LRRC7: variants seen among roughly 807,000 people sequenced by gnomAD.
LRRC7 encodes the protein leucine-rich repeat-containing protein 7.
In LRRC7, 23 loss-of-function variants were observed where a neutral mutation model predicts 175.7. The observed-to-expected ratio is 0.13, with a 90% CI of 0.09 to 0.19. The LOEUF (loss-of-function observed/expected upper bound fraction) is 0.19. Among genes scored for constraint, LRRC7 ranks in the 10% least tolerant of loss-of-function variants. The probability of loss-of-function intolerance (pLI) is 1.00; values close to 1 mark genes in which losing one functional copy is unlikely to be tolerated. For missense variants in LRRC7, 1,354 were observed against 1,904.7 expected (o/e 0.71, Z 5.38); for synonymous variants, 685 against 680.9 (o/e 1.01, Z -0.09).
intron 3 of LRRC7, among the ~76,000 whole-genome samples, chr1:69,783,656 G>T (rs897965883): frequency 1.3e-5 from 2 of 150,718 alleles, no homozygotes; most frequent in African/African-American, 4.9e-5. Flanking sequence ...GGAGGCTGAG[G>T]CTGGAGAATT....
chr1:69,745,653 A>T (rs1006251498), intron 2 of LRRC7, among the ~76,000 whole-genome samples: 4 of 151,908 alleles, frequency 2.6e-5, no homozygotes, highest in African/African-American at 9.7e-5. Flanking sequence ...AAAAATATTC[A>T]CAGTATAATG....
At chr1:70,078,572 A>G (rs1042984154) in intron 24 of LRRC7, among the ~76,000 whole-genome samples, 4 of 151,736 alleles carry the variant, frequency 2.6e-5, no homozygotes, top group African/African-American at 9.7e-5. Flanking sequence ...TAACCTCTCC[A>G]CTTCTTCATT....
chr1:69,643,772 G>A (rs555551134), intron 1 of LRRC7, among the ~76,000 whole-genome samples: 50 of 152,000 alleles, frequency 3.3e-4, no homozygotes, highest in African/African-American at 1.2e-3. Flanking sequence ...TGATTGTTTT[G>A]AGGCATCCTC....
In LRRC7 at chr1:70,122,447, A is replaced by G. The variant is rs942067171; in HGVS notation, c.*560A>G. The G allele has an allele frequency of 9.2e-5, 14 of 152,156 alleles. No individual in the cohort carries two copies. The highest frequency in any genetic ancestry group is 8.5e-4 in the Admixed American group (13 of 15,282). The allele number at this position is 152,156 out of a possible 1,614,324, so 9.4% of individuals were successfully genotyped here. A position where few individuals can be genotyped will look rare whatever the true frequency, so the allele number is the denominator to read the frequency against. On this transcript the variant is annotated 3_prime_UTR_variant, in exon 27 of 27. Transcript: ENST00000651989. ...GACTTTACTATATTGAATCTTTTTC[A>G]ATAAAAATTACATGATAATGCCTTA...
chr1:69,582,430 A>G (rs74525079), intron 1 of LRRC7, among the ~76,000 whole-genome samples: 245 of 150,806 alleles, frequency 1.6e-3, no homozygotes, highest in African/African-American at 5.7e-3. Context: ...TTCATCTCAG[A>G]TGTGCTGTTT....
intron 7 of LRRC7, among the ~76,000 whole-genome samples, chr1:69,846,177 G>A (rs1318085534): frequency 6.6e-6 from 1 of 152,030 alleles, no homozygotes; most frequent in Non-Finnish European, 1.5e-5. Flanking sequence ...GATTATTAGA[G>A]TCACTTCTAA....
intron 26 of LRRC7, among the ~76,000 whole-genome samples, chr1:70,116,901 C>T (rs906049584): frequency 6.6e-6 from 1 of 152,126 alleles, no homozygotes; most frequent in Admixed American, 6.5e-5. Context: ...ATCTGAGATT[C>T]CTGCTCTTTC....
At chr1:69,742,098 A>C (rs1423141817) in intron 2 of LRRC7, among the ~76,000 whole-genome samples, 1 of 152,032 alleles carries the variant, frequency 6.6e-6, no homozygotes, top group Non-Finnish European at 1.5e-5. Flanking sequence ...TGACATAAAA[A>C]CTCAAAAGAA....
At chr1:69,673,967 T>C (rs1413316775) in intron 1 of LRRC7, among the ~76,000 whole-genome samples, 5 of 151,866 alleles carry the variant, frequency 3.3e-5, no homozygotes, top group Non-Finnish European at 7.4e-5. Flanking sequence ...ACTAAAAACA[T>C]ATATTTGAAT....
At chr1:70,047,595 ATATT>A (rs1443490009) in intron 22 of LRRC7, among the ~76,000 whole-genome samples, 1 of 152,124 alleles carries the variant, frequency 6.6e-6, no homozygotes, top group East Asian at 1.9e-4. Context: ...TACATAGTGA[ATATT>A]TATATGAACA....
At chr1:69,650,684 T>A (rs563687806) in intron 1 of LRRC7, among the ~76,000 whole-genome samples, 25 of 151,876 alleles carry the variant, frequency 1.6e-4, no homozygotes, top group Non-Finnish European at 3.4e-4. Flanking sequence ...TCTTTAAGCT[T>A]TGTATAAAAT....
At chr1:69,585,876 A>T (rs1003023480) in intron 1 of LRRC7, among the ~76,000 whole-genome samples, 1 of 152,206 alleles carries the variant, frequency 6.6e-6, no homozygotes, top group African/African-American at 2.4e-5. Flanking sequence ...TTAATTAGCA[A>T]ACTGTTCCAT....
At chr1:69,736,183 A>G (rs1668098606) in intron 2 of LRRC7, among the ~76,000 whole-genome samples, 1 of 152,132 alleles carries the variant, frequency 6.6e-6, no homozygotes, top group Non-Finnish European at 1.5e-5. Context: ...AGGAGATTAA[A>G]CACTACAGAA....
At chr1:69,781,947 GAAAA>G (rs1265933368) in intron 3 of LRRC7, among the ~76,000 whole-genome samples, 4 of 111,382 alleles carry the variant, frequency 3.6e-5, no homozygotes, top group Non-Finnish European at 7.5e-5. Flanking sequence ...AAAGAGAAAA[GAAAA>G]GAAAGAAAGA....
Position 70,125,627 on chromosome 1 carries a change from C to T in LRRC7, c.*3740C>T, listed in dbSNP as rs1214069035. 6.6e-6 allele frequency among the ~76,000 whole-genome samples: 1 copy of T among 151,272 alleles called. No individual in the cohort carries two copies. The highest frequency in any genetic ancestry group is 1.5e-5 in the Non-Finnish European group (1 of 67,818). On this transcript the variant is annotated 3_prime_UTR_variant, in exon 27 of 27. Transcript: ENST00000651989. ...CTAAAACGGTGAAACCCCGTCTCTA[C>T]TAAAAATACAAAAAATTAGCCGGGC... is the stretch of plus-strand genomic sequence containing the variant.
At chr1:69,761,145 AG>A (rs1670994680) in intron 3 of LRRC7, among the ~76,000 whole-genome samples, 1 of 152,186 alleles carries the variant, frequency 6.6e-6, no homozygotes, top group Non-Finnish European at 1.5e-5. Flanking sequence ...ATCTAAATCA[AG>A]GGATCCTAAC....
chr1:69,603,828 T>C (rs990382624), intron 1 of LRRC7, among the ~76,000 whole-genome samples: 7 of 152,246 alleles, frequency 4.6e-5, no homozygotes, highest in Middle Eastern at 3.4e-3. Flanking sequence ...AGAATGTAGA[T>C]GACAAGTTAG....
chr1:69,867,315 G>C (rs2101562724), intron 7 of LRRC7, among the ~76,000 whole-genome samples: 1 of 152,268 alleles, frequency 6.6e-6, no homozygotes, highest in Middle Eastern at 3.4e-3. Flanking sequence ...TCACAATATA[G>C]TTTTCTGAGA....
intron 1 of LRRC7, among the ~76,000 whole-genome samples, chr1:69,666,207 A>G (rs1315371291): frequency 3.9e-5 from 6 of 152,054 alleles, no homozygotes; most frequent in Non-Finnish European, 5.9e-5. Flanking sequence ...TTTTTAATGT[A>G]TAGTTGAATT....
Sources: gnomAD v4.1 joint callset for allele counts (sites outside exome capture counted in the v4.1 genomes callset) on GRCh38, gnomAD v4.1.1 for gene constraint, MANE v1.5 for transcripts, NCBI Gene and HGNC (gene_info 2026-07-23, HGNC 2026-07-21) for gene names.